The following ANKRD36B variants were observed in gnomAD, a reference collection of about 807,000 sequenced individuals.
ANKRD36B encodes ankyrin repeat domain-containing protein 36B.
In ANKRD36B, 37 loss-of-function variants were observed where a neutral mutation model predicts 135.7. The ratio of observed to expected loss-of-function variants is 0.27; its 90% confidence interval spans 0.21 to 0.36. The LOEUF (loss-of-function observed/expected upper bound fraction) is 0.36. Among genes scored for constraint, ANKRD36B ranks in the 10% least tolerant of loss-of-function variants. The probability of loss-of-function intolerance (pLI) is 1.00; values close to 1 mark genes in which losing one functional copy is unlikely to be tolerated. For synonymous variants in ANKRD36B, 179 were observed against 348.1 expected (o/e 0.51, Z 5.41); for missense variants, 549 against 1,037.1 (o/e 0.53, Z 6.46).
intron 21 of ANKRD36B, 29 bp downstream of exon 21, chr2:97,547,674 G>C (rs2079603596): frequency 4.5e-6 from 7 of 1,555,604 alleles, no homozygotes; most frequent in African/African-American, 1.4e-5. Flanking sequence ...ACATTTACTA[G>C]TTCACAATAT....
chr2:97,537,812 A>G lies in ANKRD36B; in HGVS notation c.2089+356T>C, dbSNP rs1306749969. Among the ~76,000 whole-genome samples the G allele has an allele frequency of 5.2e-5, 5 of 96,554 alleles. 2 individuals carry two copies. The highest frequency in any genetic ancestry group is 1.6e-4 in the African/African-American group (5 of 32,172). The allele number at this position is 96,554 out of a possible 152,430, so 63.3% of individuals were successfully genotyped here. ...TCTGGTTTAAGCAGTACCATCTGAC[A>G]TCTATAATTTCTATTACTTTTTTCT... On this transcript the variant is annotated intron_variant, in intron 32 of 43. Transcript: ENST00000359901.
At chr2:97,539,985 C>A (rs1402089455) in intron 30 of ANKRD36B, 49 bp downstream of exon 30, 1 of 817,410 alleles carries the variant, frequency 1.2e-6, no homozygotes. Context: ...AAGAGAAGTT[C>A]TTTTCTATCT....
intron 34 of ANKRD36B, among the ~76,000 whole-genome samples, chr2:97,535,247 G>A (rs148431318): frequency 0.18 from 17,911 of 98,352 alleles, 1,943 homozygotes; most frequent in African/African-American, 0.28. Flanking sequence ...ATAAAATGTA[G>A]CATTTTATAG....
rs185255440 is a variant in ANKRD36B, at chr2:97,534,042, C to T, written c.2192-1658G>A. Among the ~76,000 whole-genome samples the T allele has an allele frequency of 2.4e-5, 2 of 82,250 alleles. 1 individual carries two copies. The highest frequency in any genetic ancestry group is 6.2e-5 in the Non-Finnish European group (2 of 32,036). 54.0% of individuals were successfully genotyped at this position (82,250 alleles called of 152,430 possible). A position where few individuals can be genotyped will look rare whatever the true frequency, so the allele number is the denominator to read the frequency against. On this transcript the variant is annotated intron_variant, in intron 34 of 43. Transcript: ENST00000359901. ...TTGCACTCCAGGCTGGGAGACAGAG[C>T]GAGACTCCATCTCAAAAAAAAAAAA...
rs1236155961 is a variant in ANKRD36B at position 97,549,651 on chromosome 2, A to T, written c.1376-37T>A. The T allele has an allele frequency of 2.5e-6, 4 of 1,605,994 alleles. 1 individual carries two copies. In the South Asian group the frequency reaches 4.4e-5, roughly 18 times the overall value. On this transcript the variant is annotated intron_variant, in intron 18 of 43. Transcript: ENST00000359901. ...AAGGGATTCATAATCACTCATATGT[A>T]AATATGACAAAGATATCCACACATT... is the stretch of plus-strand genomic sequence containing the variant.
chr2:97,558,238 A>G (rs1266215438), intron 10 of ANKRD36B, among the ~76,000 whole-genome samples: 3 of 152,050 alleles, frequency 2.0e-5, no homozygotes, highest in Non-Finnish European at 4.4e-5. Flanking sequence ...AGCCAAAATC[A>G]AAGCTTCTTT....
intron 6 of ANKRD36B, among the ~76,000 whole-genome samples, chr2:97,564,219 G>A (rs2081268681): frequency 6.6e-6 from 1 of 151,952 alleles, no homozygotes; most frequent in Non-Finnish European, 1.5e-5. Flanking sequence ...AGTTTTAGTA[G>A]TATAGAGAAC....
At chr2:97,552,822 T>C (rs1250244297) in intron 16 of ANKRD36B, among the ~76,000 whole-genome samples, 1 of 151,942 alleles carries the variant, frequency 6.6e-6, no homozygotes, top group Non-Finnish European at 1.5e-5. Context: ...CTGTAAAATC[T>C]ATACTTCCTC....
Position 97,551,368 on chromosome 2 carries a change from G to C in ANKRD36B, c.1303-7C>G, listed in dbSNP as rs755532881. 62 of 1,599,334 alleles carry C rather than the reference G, an allele frequency of 3.9e-5. No homozygotes were observed. The highest frequency in any genetic ancestry group is 5.2e-5 in the Non-Finnish European group (61 of 1,175,512). On this transcript the variant is annotated splice_region_variant and splice_polypyrimidine_tract_variant and intron_variant, in intron 17 of 43. Coordinates refer to ENST00000359901, the MANE Select transcript of ANKRD36B (RefSeq NM_001393939.1). ...CTTTCTCATCACTTGTGGCCTGAAT[G>C]GAATTTGAAACAAAATAATAAATAA...
chr2:97,579,526 A>G (rs1238140633), intron 4 of ANKRD36B, among the ~76,000 whole-genome samples: 1 of 143,012 alleles, frequency 7.0e-6, no homozygotes, highest in African/African-American at 2.7e-5. Context: ...TAAACACTAT[A>G]TATATATATA....
intron 1 of ANKRD36B, among the ~76,000 whole-genome samples, chr2:97,587,239 G>A (rs1181469306): frequency 3.3e-5 from 5 of 151,982 alleles, no homozygotes; most frequent in Non-Finnish European, 7.4e-5. Flanking sequence ...TTCTTTGCAA[G>A]ATTTATATTT....
At chr2:97,576,201 T>G (rs1223824070) in intron 6 of ANKRD36B, among the ~76,000 whole-genome samples, 178 bp downstream of exon 6, 1 of 150,696 alleles carries the variant, frequency 6.6e-6, no homozygotes. Context: ...AATACTGAGA[T>G]TATAAATTAC....
chr2:97,578,806 A>G, intron 5 of ANKRD36B, 100 bp downstream of exon 5: 34 of 1,418,618 alleles, frequency 2.4e-5, no homozygotes, highest in Non-Finnish European at 3.2e-5. Context: ...AAACTACTTG[A>G]ACCAAACTAT....
At chr2:97,546,494 T>G (rs904689659) in intron 22 of ANKRD36B, among the ~76,000 whole-genome samples, 1 of 151,710 alleles carries the variant, frequency 6.6e-6, no homozygotes, top group Non-Finnish European at 1.5e-5. Context: ...AGTTTAGACT[T>G]CTGAAAATTT....
intron 6 of ANKRD36B, among the ~76,000 whole-genome samples, chr2:97,575,236 AG>A (rs1270437125): frequency 6.6e-6 from 1 of 151,964 alleles, no homozygotes; most frequent in African/African-American, 2.4e-5. Flanking sequence ...TGACATTCCC[AG>A]GGTTTTGTCA....
At chr2:97,565,130 A>G (rs2081334592) in intron 6 of ANKRD36B, among the ~76,000 whole-genome samples, 1 of 152,076 alleles carries the variant, frequency 6.6e-6, no homozygotes, top group African/African-American at 2.4e-5. Context: ...CTTTGTAGCA[A>G]TTGTGTATCG....
At chr2:97,574,823 A>C (rs2104921002) in intron 6 of ANKRD36B, among the ~76,000 whole-genome samples, 1 of 152,126 alleles carries the variant, frequency 6.6e-6, no homozygotes, top group South Asian at 2.1e-4. Context: ...CATTACCCTT[A>C]GGTTTTGACA....
Position 97,543,772 on chromosome 2 carries a change from T to C in ANKRD36B, c.1783+18A>G, listed in dbSNP as rs903774768. 1 of 171,352 alleles carries C rather than the reference T, an allele frequency of 5.8e-6. No individual in the cohort carries two copies. The highest frequency in any genetic ancestry group is 4.9e-5 in the African/African-American group (1 of 20,402). 10.6% of individuals were successfully genotyped at this position (171,352 alleles called of 1,614,324 possible). ...TATCTGGACTGAACATGACATTAAA[T>C]GTGTTTTGCAAAATTACCTGTTCCA... On this transcript the variant is annotated intron_variant, in intron 26 of 43. Coordinates refer to ENST00000359901, the MANE Select transcript of ANKRD36B (RefSeq NM_001393939.1).
chr2:97,566,696 C>A (rs900157080), intron 6 of ANKRD36B, among the ~76,000 whole-genome samples: 2 of 152,054 alleles, frequency 1.3e-5, no homozygotes, highest in Admixed American at 1.3e-4. Flanking sequence ...TGTCAAAGAA[C>A]ATGATTTCTG....
Sources: allele counts gnomAD v4.1 joint callset (sites outside exome capture counted in the v4.1 genomes callset), GRCh38; gene constraint gnomAD v4.1.1; transcripts MANE v1.5; gene names NCBI Gene and HGNC (gene_info 2026-07-23, HGNC 2026-07-21).